TBCK: variants seen among roughly 807,000 people sequenced by gnomAD.
TBCK encodes the protein TBC domain-containing protein kinase-like protein.
TBCK carries 99 observed loss-of-function variants against 113.4 expected under a neutral mutation model. The ratio of observed to expected loss-of-function variants is 0.87; its 90% CI spans 0.74 to 1.03. The LOEUF (loss-of-function observed/expected upper bound fraction) is 1.03. Among genes scored for constraint, TBCK ranks in the 50% least tolerant of loss-of-function variants. TBCK has a pLI of 0.00. For synonymous variants in TBCK, 369 were observed against 370.8 expected (o/e 1.00, Z 0.05); for missense variants, 1,045 against 1,061.3 (o/e 0.98, Z 0.21).
chr4:106,283,388 G>C (rs1400292002), intron 3 of TBCK, among the ~76,000 whole-genome samples: 1 of 152,084 alleles, frequency 6.6e-6, no homozygotes, highest in African/African-American at 2.4e-5. Flanking sequence ...CTACTAGAGG[G>C]TTACAGTATA....
At chr4:106,122,578 C>G (rs942625375) in intron 23 of TBCK, among the ~76,000 whole-genome samples, 1 of 152,042 alleles carries the variant, frequency 6.6e-6, no homozygotes, top group African/African-American at 2.4e-5. Context: ...GCAAAAAAAG[C>G]GAATTTTAGA....
chr4:106,171,414 T>C, intron 22 of TBCK, 144 bp from the exon 23 acceptor site: 1 of 611,826 alleles, frequency 1.6e-6, no homozygotes, highest in South Asian at 2.4e-5. Flanking sequence ...AAAAAAACAA[T>C]GTATATATTA....
At chr4:106,145,874 AT>A (rs1281405545) in intron 23 of TBCK, among the ~76,000 whole-genome samples, 3 of 152,192 alleles carry the variant, frequency 2.0e-5, no homozygotes, top group Non-Finnish European at 4.4e-5. Flanking sequence ...CAGAATGGCG[AT>A]TACTAAAAAG....
chr4:106,231,929 C>T (rs1758898381), intron 17 of TBCK, 150 bp from the exon 18 acceptor site: 1 of 717,354 alleles, frequency 1.4e-6, no homozygotes, highest in Non-Finnish European at 2.4e-6. Context: ...TCATGAGTTA[C>T]TGTGGGGAGT....
chr4:106,233,167 G>T, intron 16 of TBCK, 103 bp from the exon 17 acceptor site: 1 of 1,192,202 alleles, frequency 8.4e-7, no homozygotes, highest in Non-Finnish European at 1.2e-6. Flanking sequence ...GCTATAATAT[G>T]AATTTCAAAA....
chr4:106,188,865 G>A (rs532203435), intron 22 of TBCK, among the ~76,000 whole-genome samples: 64 of 152,180 alleles, frequency 4.2e-4, no homozygotes, highest in African/African-American at 1.5e-3. Flanking sequence ...CTAGAATCAC[G>A]TTACAATTTC....
intron 23 of TBCK, among the ~76,000 whole-genome samples, chr4:106,144,272 G>A (rs1463887949): frequency 6.6e-6 from 1 of 152,200 alleles, no homozygotes; most frequent in Non-Finnish European, 1.5e-5. Context: ...CTTGTTAACT[G>A]TAAATTGAAG....
At chr4:106,280,015 T>C (rs1764429073) in intron 3 of TBCK, among the ~76,000 whole-genome samples, 1 of 152,148 alleles carries the variant, frequency 6.6e-6, no homozygotes, top group East Asian at 1.9e-4. Context: ...TCCAAACTGT[T>C]CTCCATAGCA....
intron 20 of TBCK, among the ~76,000 whole-genome samples, chr4:106,211,129 A>G (rs1483241099): frequency 1.3e-5 from 2 of 152,164 alleles, no homozygotes; most frequent in Admixed American, 1.3e-4. Flanking sequence ...AGTGCTGAGC[A>G]CAATTTAATT....
Position 106,046,817 on chromosome 4 carries a change from T to C in TBCK, c.2572-137A>G, listed in dbSNP as rs186488644. 2.0e-5 allele frequency: 10 copies of C among 505,636 alleles called. No homozygotes were observed. The East Asian group carries it at 2.9e-4, about 14-fold the overall frequency. The allele number at this position is 505,636 out of a possible 1,614,324, so 31.3% of individuals were successfully genotyped here. On this transcript the variant is annotated intron_variant, in intron 25 of 25. Coordinates refer to ENST00000394708, the MANE Select transcript of TBCK (RefSeq NM_001163435.3). ...CACCACTGTATAATAAGTTGTCAAC[T>C]TGGTTATTAATATAAATTAAATCAC... is the stretch of plus-strand genomic sequence containing the variant.
chr4:106,150,983 CA>C (rs974835830), intron 23 of TBCK, among the ~76,000 whole-genome samples: 26 of 152,002 alleles, frequency 1.7e-4, no homozygotes, highest in Admixed American at 5.2e-4. Flanking sequence ...CATAAGTTAC[CA>C]GTGAAGAAAG....
chr4:106,158,923 A>C lies in TBCK; in HGVS notation c.2235+12172T>G, dbSNP rs1476548134. Among the ~76,000 whole-genome samples the C allele has an allele frequency of 5.9e-5, 9 of 152,222 alleles. No individual in the cohort carries two copies. In the South Asian group the frequency reaches 1.9e-3, roughly 32 times the overall value. ...AAAATAGTAGCAAACTGAATTCAAA[A>C]GCATATTAAAATTATACAGCATGAT... On this transcript the variant is annotated intron_variant, in intron 23 of 25. Transcript: ENST00000394708.
At chr4:106,292,395 C>A (rs1356816382) in intron 3 of TBCK, among the ~76,000 whole-genome samples, 1 of 151,968 alleles carries the variant, frequency 6.6e-6, no homozygotes, top group Admixed American at 6.5e-5. Flanking sequence ...CACGGTGAAA[C>A]CCTGTCTCTA....
chr4:106,118,804 C>T (rs184121426), intron 23 of TBCK, among the ~76,000 whole-genome samples: 181 of 152,064 alleles, frequency 1.2e-3, no homozygotes, highest in Non-Finnish European at 2.0e-3. Context: ...AGCATTAGTT[C>T]CAATCAAATG....
intron 23 of TBCK, among the ~76,000 whole-genome samples, chr4:106,120,073 G>A (rs1340187800): frequency 6.6e-6 from 1 of 152,186 alleles, no homozygotes; most frequent in East Asian, 1.9e-4. Context: ...TCTCACTAGA[G>A]AGTGCCAGAC....
At chr4:106,316,580 G>A, upstream of TBCK, 1 of 1,551,540 alleles carries the variant, frequency 6.4e-7, no homozygotes, top group Non-Finnish European at 8.7e-7. Context: ...CGGAACCCGT[G>A]GTCCTCCGCT....
At chr4:106,127,887 C>T (rs1745422415) in intron 23 of TBCK, among the ~76,000 whole-genome samples, 1 of 151,918 alleles carries the variant, frequency 6.6e-6, no homozygotes, top group South Asian at 2.1e-4. Flanking sequence ...TGAAAAAGTG[C>T]CCCAGGCCAT....
Position 106,160,734 on chromosome 4 carries a change from T to C in TBCK, c.2235+10361A>G, listed in dbSNP as rs558298691. 3.0e-4 allele frequency among the ~76,000 whole-genome samples: 45 copies of C among 151,992 alleles called. No homozygotes were observed. The South Asian group carries it at 7.5e-3, about 25-fold the overall frequency. On this transcript the variant is annotated intron_variant, in intron 23 of 25. Transcript: ENST00000394708. Reference sequence around the variant, plus strand: ...AGTTCCTCAAAAAACTAAAGATAGATAACATATGATCCTGAAATTCCACTT... The same window carrying C: ...AGTTCCTCAAAAAACTAAAGATAGACAACATATGATCCTGAAATTCCACTT...
chr4:106,230,120 A>G (rs1758695707), intron 19 of TBCK, among the ~76,000 whole-genome samples: 1 of 151,944 alleles, frequency 6.6e-6, no homozygotes, highest in South Asian at 2.1e-4. Flanking sequence ...TTATTTTCTC[A>G]AACTCGCATG....
Sources: gnomAD v4.1 joint callset for allele counts (sites outside exome capture counted in the v4.1 genomes callset) on GRCh38, gnomAD v4.1.1 for gene constraint, MANE v1.5 for transcripts, NCBI Gene and HGNC (gene_info 2026-07-23, HGNC 2026-07-21) for gene names.